Variants in RAB2A observed in about 807,000 individuals in gnomAD.
The protein encoded by RAB2A is ras-related protein Rab-2A.
In RAB2A, 7 loss-of-function variants were observed where a neutral mutation model predicts 32.5. The observed-to-expected ratio is 0.22, with a 90% CI of 0.12 to 0.40. The LOEUF is 0.40. Among genes scored for constraint, RAB2A ranks in the 10% least tolerant of loss-of-function variants. The pLI is 1.00. For missense variants in RAB2A, 108 were observed against 260.7 expected (o/e 0.41, Z 4.03); for synonymous variants, 79 against 85.2 (o/e 0.93, Z 0.40).
intron 6 of RAB2A, among the ~76,000 whole-genome samples, chr8:60,592,309 T>G (rs1449757420): frequency 6.6e-6 from 1 of 152,190 alleles, no homozygotes; most frequent in Non-Finnish European, 1.5e-5. Flanking sequence ...AGTCCTATTC[T>G]TTCAAATTAT....
chr8:60,621,736 A>T lies in RAB2A; in HGVS notation c.*967A>T, dbSNP rs765020333. 1.3e-5 allele frequency: 2 copies of T among 152,154 alleles called. No homozygotes were observed. Among genetic ancestry groups the T allele is most frequent in the Non-Finnish European group, 2.9e-5 (2 of 68,016 alleles). 9.4% of individuals were successfully genotyped at this position (152,154 alleles called of 1,614,324 possible). On this transcript the variant is annotated 3_prime_UTR_variant, in exon 8 of 8. Coordinates refer to ENST00000262646, the MANE Select transcript of RAB2A (RefSeq NM_002865.3). ...TGATTTCTAAGTATATTTTTCATGC[A>T]GGACAGTTTTTCAACCTTGATGTAC...
chr8:60,526,739 C>T (rs762332185), intron 1 of RAB2A, among the ~76,000 whole-genome samples: 33 of 152,010 alleles, frequency 2.2e-4, no homozygotes, highest in Non-Finnish European at 3.8e-4. Flanking sequence ...GAGGCTGAGG[C>T]GGGTGGATTG....
intron 5 of RAB2A, 167 bp from the exon 6 acceptor site, chr8:60,591,691 T>C: frequency 2.1e-6 from 1 of 469,644 alleles, no homozygotes. Flanking sequence ...CTAGACAGTG[T>C]GTTCTAAATA....
chr8:60,520,772 CTT>C (rs1435493410), intron 1 of RAB2A, among the ~76,000 whole-genome samples: 3 of 152,114 alleles, frequency 2.0e-5, no homozygotes, highest in Non-Finnish European at 4.4e-5. Flanking sequence ...ATTTTTCACT[CTT>C]ATGTATATAC....
chr8:60,576,441 C>CA (rs1398935326), intron 3 of RAB2A: 22 of 329,064 alleles, frequency 6.7e-5, no homozygotes, highest in East Asian at 1.7e-4. Context: ...CCAGCCCCTC[C>CA]AAAAAAAATT....
chr8:60,606,669 A>G (rs1330320337), intron 6 of RAB2A, among the ~76,000 whole-genome samples: 2 of 152,254 alleles, frequency 1.3e-5, no homozygotes, highest in Non-Finnish European at 2.9e-5. Context: ...ATACAACCAC[A>G]TAGATATTTA....
At chr8:60,604,323 A>C in intron 6 of RAB2A, among the ~76,000 whole-genome samples, 1 of 152,210 alleles carries the variant, frequency 6.6e-6, no homozygotes, top group African/African-American at 2.4e-5. Context: ...ACCCAGTCTC[A>C]GGTATTTCTT....
At chr8:60,592,155 C>T (rs1803954061) in intron 6 of RAB2A, 186 bp downstream of exon 6, 3 of 382,274 alleles carry the variant, frequency 7.8e-6, no homozygotes, top group Admixed American at 8.3e-5. Context: ...TCATATTGAG[C>T]CTTCTAAAGC....
At chr8:60,582,233 G>A (rs940225889) in intron 3 of RAB2A, among the ~76,000 whole-genome samples, 4 of 151,964 alleles carry the variant, frequency 2.6e-5, no homozygotes, top group South Asian at 2.1e-4. Flanking sequence ...CATTATACCC[G>A]GCTGTCTTCA....
chr8:60,591,072 C>A (rs2130853369), intron 5 of RAB2A, among the ~76,000 whole-genome samples: 1 of 151,458 alleles, frequency 6.6e-6, no homozygotes, highest in East Asian at 1.9e-4. Flanking sequence ...TATTATACAT[C>A]TTTTTTCATG....
intron 6 of RAB2A, chr8:60,592,231 A>ACTATTACTGG: frequency 4.1e-6 from 1 of 241,260 alleles, no homozygotes; most frequent in Non-Finnish European, 8.3e-6. Flanking sequence ...AATTTCCTAT[A>ACTATTACTGG]GTTTCTGAGA....
intron 1 of RAB2A, among the ~76,000 whole-genome samples, chr8:60,545,106 A>G (rs955577280): frequency 6.6e-6 from 1 of 152,134 alleles, no homozygotes; most frequent in Non-Finnish European, 1.5e-5. Context: ...TAGAATCATC[A>G]CTAATATTGA....
At chr8:60,528,585 G>GT (rs1314837010) in intron 1 of RAB2A, among the ~76,000 whole-genome samples, 5 of 151,794 alleles carry the variant, frequency 3.3e-5, no homozygotes, top group Admixed American at 1.3e-4. Flanking sequence ...GATTCTAATT[G>GT]TTTTTTTTCC....
At chr8:60,591,995 TC>T (rs775400923) in intron 6 of RAB2A, 26 bp downstream of exon 6, 1 of 1,333,750 alleles carries the variant, frequency 7.5e-7, no homozygotes, top group Admixed American at 2.0e-5. Flanking sequence ...TTTAAAATCT[TC>T]ATCTTTATAC....
At chr8:60,545,351 CTG>C (rs1807711610) in intron 1 of RAB2A, among the ~76,000 whole-genome samples, 1 of 152,122 alleles carries the variant, frequency 6.6e-6, no homozygotes, top group Non-Finnish European at 1.5e-5. Context: ...GTCACCCAGG[CTG>C]TAGTGCAGTG....
At chr8:60,559,461 A>G (rs1245372427) in intron 2 of RAB2A, among the ~76,000 whole-genome samples, 1 of 152,202 alleles carries the variant, frequency 6.6e-6, no homozygotes, top group Non-Finnish European at 1.5e-5. Context: ...GGCATTTTGT[A>G]TTTTCCTCAG....
At chr8:60,566,291 T>G (rs1243193260) in intron 2 of RAB2A, among the ~76,000 whole-genome samples, 1 of 152,248 alleles carries the variant, frequency 6.6e-6, no homozygotes, top group Non-Finnish European at 1.5e-5. Flanking sequence ...TCATTCAGTT[T>G]TTAATGTTTG....
chr8:60,582,391 A>G (rs1803775776), intron 3 of RAB2A, among the ~76,000 whole-genome samples: 1 of 152,148 alleles, frequency 6.6e-6, no homozygotes, highest in Admixed American at 6.5e-5. Context: ...TCCACATAGG[A>G]GAAGTTATTT....
intron 2 of RAB2A, among the ~76,000 whole-genome samples, chr8:60,565,676 ATTTTTTTTTTTTTTTTTTTT>A (rs71252885): frequency 5.8e-3 from 564 of 97,166 alleles, no homozygotes; most frequent in Non-Finnish European, 7.4e-3. Flanking sequence ...TCTGTAGCTG[ATTTTTTTTTTTTTTTTTTTT>A]TTTTTTTTTT....
Sources: allele counts gnomAD v4.1 joint callset (sites outside exome capture counted in the v4.1 genomes callset), GRCh38; gene constraint gnomAD v4.1.1; transcripts MANE v1.5; gene names NCBI Gene and HGNC (gene_info 2026-07-23, HGNC 2026-07-21).